PRDM16: variants seen among roughly 807,000 people sequenced by gnomAD.
PRDM16 encodes histone-lysine N-methyltransferase PRDM16.
Under a neutral mutation model 110.6 loss-of-function variants are expected in PRDM16, and 23 were observed. That is an observed-to-expected ratio of 0.21 (90% CI 0.15 to 0.29). The LOEUF (loss-of-function observed/expected upper bound fraction) is 0.29. Ranked by LOEUF, PRDM16 falls within the 10% of genes least tolerant of loss-of-function variation. The pLI is 1.00. For synonymous variants in PRDM16, 799 were observed against 781.8 expected (o/e 1.02, Z -0.37); for missense variants, 1,615 against 1,794.3 (o/e 0.90, Z 1.81).
chr1:3,433,891 C>A lies in PRDM16; in HGVS notation c.*80C>A. ...CGGAGGCGGGCGGGGCCCCGGAGAA[C>A]CCTGTCCCTGCGTGTGGCCACTCCT... On this transcript the variant is annotated 3_prime_UTR_variant, in exon 17 of 17. Transcript: ENST00000270722. 1 of 1,472,220 alleles carries A rather than the reference C, an allele frequency of 6.8e-7. No individual in the cohort carries two copies. The highest frequency in any genetic ancestry group is 1.4e-5 in the African/African-American group (1 of 72,208). 91.2% of individuals were successfully genotyped at this position (1,472,220 alleles called of 1,614,324 possible).
chr1:3,093,352 A>G (rs1642319776), intron 1 of PRDM16, among the ~76,000 whole-genome samples: 1 of 152,156 alleles, frequency 6.6e-6, no homozygotes, highest in Non-Finnish European at 1.5e-5. Context: ...TGCCCTCCAC[A>G]TTTCTGTACA....
At position 3,298,598 on chromosome 1, in the gene PRDM16, T is replaced by C. The variant is rs188421833; in HGVS notation, c.438+54461T>C. On this transcript the variant is annotated intron_variant, in intron 3 of 16. Coordinates refer to ENST00000270722, the MANE Select transcript of PRDM16 (RefSeq NM_022114.4). ...AACAATTGTGCTAGCAGCTTGGTTG[T>C]GTGGTTCCCAATTCATATCAGACAC... Among the ~76,000 whole-genome samples the C allele has an allele frequency of 4.5e-4, 68 of 152,344 alleles. 1 individual carries two copies. Among genetic ancestry groups the C allele is most frequent in the East Asian group, 3.9e-3 (20 of 5,184 alleles).
intron 1 of PRDM16, among the ~76,000 whole-genome samples, chr1:3,152,689 G>A (rs914014682): frequency 9.2e-5 from 14 of 152,224 alleles, no homozygotes; most frequent in African/African-American, 2.7e-4. Flanking sequence ...CTATGTTGCC[G>A]TCCGTCGTCC....
At chr1:3,151,631 G>A (rs1279131490) in intron 1 of PRDM16, among the ~76,000 whole-genome samples, 2 of 152,242 alleles carry the variant, frequency 1.3e-5, no homozygotes, top group Non-Finnish European at 2.9e-5. Flanking sequence ...GGCCAGCGTC[G>A]ACACTGCTAG....
chr1:3,351,431 G>A (rs1378466358), intron 3 of PRDM16, among the ~76,000 whole-genome samples: 1 of 149,154 alleles, frequency 6.7e-6, no homozygotes, highest in Non-Finnish European at 1.5e-5. Flanking sequence ...GGAACGCAGA[G>A]GGAGCAGCAC....
rs554777897 is a variant in PRDM16, at chr1:3,290,614, C to A, written c.438+46477C>A. Among the ~76,000 whole-genome samples the A allele has an allele frequency of 2.0e-5, 3 of 152,280 alleles. No homozygotes were observed. The highest frequency in any genetic ancestry group is 6.5e-5 in the Admixed American group (1 of 15,294). On this transcript the variant is annotated intron_variant, in intron 3 of 16. Coordinates refer to ENST00000270722, the MANE Select transcript of PRDM16 (RefSeq NM_022114.4). The surrounding 1 kb of genome is among the most constrained non-coding windows in gnomAD (Gnocchi z 4.8). ...GTGGCTCCGGCTCCGTCTGCAGGAT[C>A]CCTCCCAGGACGCAGTGGTGGGCCC...
chr1:3,395,416 C>G (rs1466860066), intron 4 of PRDM16, among the ~76,000 whole-genome samples: 1 of 152,144 alleles, frequency 6.6e-6, no homozygotes, highest in Non-Finnish European at 1.5e-5. Flanking sequence ...AGCCTCAGCC[C>G]CAGGTCTCGC....
At chr1:3,212,983 A>G (rs960222147) in intron 2 of PRDM16, among the ~76,000 whole-genome samples, 2 of 152,214 alleles carry the variant, frequency 1.3e-5, no homozygotes, top group Admixed American at 6.5e-5. Flanking sequence ...GCAGAGCTGG[A>G]CACAGGGAAG....
intron 1 of PRDM16, among the ~76,000 whole-genome samples, chr1:3,086,797 G>A (rs953081197): frequency 4.6e-5 from 7 of 152,162 alleles, no homozygotes; most frequent in African/African-American, 1.7e-4. Flanking sequence ...TTTTTGTGGA[G>A]CATGCCGTTA....
chr1:3,433,854 A>G lies in PRDM16; in HGVS notation c.*43A>G. 3 of 1,606,712 alleles carry G rather than the reference A, an allele frequency of 1.9e-6. No homozygotes were observed. The highest frequency in any genetic ancestry group is 1.7e-5 in the Admixed American group (1 of 59,750). On this transcript the variant is annotated 3_prime_UTR_variant, in exon 17 of 17. Coordinates refer to ENST00000270722, the MANE Select transcript of PRDM16 (RefSeq NM_022114.4). The stretch of plus-strand genomic sequence containing the variant: ...GGCCGGTGGCCAGAGCGAGGGCACC[A>G]GCCACGAAGGACGGAGGCGGGCGGG...
intron 3 of PRDM16, among the ~76,000 whole-genome samples, chr1:3,277,494 A>G (rs1640612141): frequency 6.6e-6 from 1 of 152,248 alleles, no homozygotes; most frequent in Non-Finnish European, 1.5e-5. Flanking sequence ...CTGTGAAGAC[A>G]GGATCCCAGT....
Position 3,069,785 on chromosome 1 carries a change from G to GCAC in PRDM16, c.37+491_37+493dup, listed in dbSNP as rs1641702606. ...GGCTTTTGAAATAGTGGGCGCTAGA[G>GCAC]CACCGCCTTTGGCGTCCGCCAGCCG... On this transcript the variant is annotated intron_variant, in intron 1 of 16. Coordinates refer to ENST00000270722, the MANE Select transcript of PRDM16 (RefSeq NM_022114.4). This position sits in a 1 kb window ranked among gnomAD's most constrained non-coding sequence, Gnocchi z 6.1. 6.6e-6 allele frequency among the ~76,000 whole-genome samples: 1 copy of GCAC among 152,058 alleles called. No individual in the cohort carries two copies. Among genetic ancestry groups the GCAC allele is most frequent in the South Asian group, 2.1e-4 (1 of 4,838 alleles).
At position 3,358,630 on chromosome 1, in the gene PRDM16, A is replaced by G. The variant is rs906286623; in HGVS notation, c.439-26522A>G. The stretch of plus-strand genomic sequence containing the variant: ...TCAGCCCTCTCCGAAGAGCTCAGAA[A>G]CATCTCCGATTGGAACACGACACAG... On this transcript the variant is annotated intron_variant, in intron 3 of 16. Coordinates refer to ENST00000270722, the MANE Select transcript of PRDM16 (RefSeq NM_022114.4). This position sits in a 1 kb window ranked among gnomAD's most constrained non-coding sequence, Gnocchi z 4.0. 1.3e-5 allele frequency among the ~76,000 whole-genome samples: 2 copies of G among 152,288 alleles called. No homozygotes were observed. Among genetic ancestry groups the G allele is most frequent in the Admixed American group, 6.5e-5 (1 of 15,298 alleles).
In PRDM16 at chr1:3,165,745, T is replaced by G. The variant is rs113115556; in HGVS notation, c.38-20380T>G. On this transcript the variant is annotated intron_variant, in intron 1 of 16. Coordinates refer to ENST00000270722, the MANE Select transcript of PRDM16 (RefSeq NM_022114.4). ...GTGACTCACCTGGGCTCAGGGACAGTGACTCACCTGGGCCCAGGGACAGGG... is the reference window on the plus strand; with the variant it reads ...GTGACTCACCTGGGCTCAGGGACAGGGACTCACCTGGGCCCAGGGACAGGG... Among the ~76,000 whole-genome samples, 260 of 39,178 alleles carry G rather than the reference T, an allele frequency of 6.6e-3. 25 individuals carry two copies. The highest frequency in any genetic ancestry group is 0.032 in the African/African-American group (149 of 4,646). The allele number at this position is 39,178 out of a possible 152,430, so 25.7% of individuals were successfully genotyped here.
chr1:3,394,943 T>C (rs1569669510), intron 4 of PRDM16, among the ~76,000 whole-genome samples: 1 of 152,146 alleles, frequency 6.6e-6, no homozygotes, highest in East Asian at 1.9e-4. Flanking sequence ...CTCTCCACTT[T>C]TACATCTCCT....
intron 2 of PRDM16, among the ~76,000 whole-genome samples, chr1:3,234,601 G>A (rs1290891694): frequency 3.9e-5 from 6 of 152,216 alleles, no homozygotes; most frequent in African/African-American, 1.2e-4. Flanking sequence ...CCCGAGCACA[G>A]GGCCCCCGCA....
chr1:3,410,334 G>A (rs1357300940), intron 8 of PRDM16, among the ~76,000 whole-genome samples: 2 of 152,182 alleles, frequency 1.3e-5, no homozygotes, highest in Admixed American at 1.3e-4. Context: ...GCCCTCTCCT[G>A]TTGAGAGAAG....
intron 3 of PRDM16, among the ~76,000 whole-genome samples, chr1:3,260,432 G>A (rs185814387): frequency 3.3e-4 from 51 of 152,256 alleles, no homozygotes; most frequent in African/African-American, 1.1e-3. Context: ...TTATCCTACT[G>A]ACACCTTAAT....
intron 3 of PRDM16, among the ~76,000 whole-genome samples, chr1:3,300,901 G>T (rs899986499): frequency 6.6e-6 from 1 of 152,056 alleles, no homozygotes; most frequent in African/African-American, 2.4e-5. Flanking sequence ...TATCACCCTC[G>T]CTGTGGTGTT....
Sources: allele counts gnomAD v4.1 joint callset (sites outside exome capture counted in the v4.1 genomes callset), GRCh38; gene constraint gnomAD v4.1.1; non-coding constraint Gnocchi (gnomAD v3.1); transcripts MANE v1.5; gene names NCBI Gene and HGNC (gene_info 2026-07-23, HGNC 2026-07-21).